SCFD1: variants seen among roughly 807,000 people sequenced by gnomAD.
SCFD1 encodes sec1 family domain containing 1, also known as sec1 family domain-containing protein 1.
A neutral mutation model predicts 103.2 loss-of-function variants in SCFD1; 37 were observed. The observed-to-expected ratio is 0.36, with a 90% CI of 0.28 to 0.47. The LOEUF (loss-of-function observed/expected upper bound fraction) is 0.47. Among genes scored for constraint, SCFD1 ranks in the 20% least tolerant of loss-of-function variants. The probability of loss-of-function intolerance (pLI) is 1.00; values close to 1 mark genes in which losing one functional copy is unlikely to be tolerated. For missense variants in SCFD1, 639 were observed against 761.2 expected (o/e 0.84, Z 1.89); for synonymous variants, 264 against 245.0 (o/e 1.08, Z -0.73).
intron 10 of SCFD1, among the ~76,000 whole-genome samples, chr14:30,665,265 A>G (rs981349798): frequency 2.0e-5 from 3 of 152,226 alleles, no homozygotes; most frequent in Non-Finnish European, 4.4e-5. Flanking sequence ...AGAATTTTCA[A>G]CTCAGAATTT....
At chr14:30,622,282 A>G, upstream of SCFD1, 3 of 1,589,994 alleles carry the variant, frequency 1.9e-6, no homozygotes, top group Non-Finnish European at 2.6e-6. Flanking sequence ...CGGTAAGGGC[A>G]GCCACGTCAT....
chr14:30,650,275 TGC>T lies in SCFD1; in HGVS notation c.670-288_670-287del, dbSNP rs201706010. Among the ~76,000 whole-genome samples the T allele has an allele frequency of 7.3e-4, 108 of 148,444 alleles. 1 individual carries two copies. In the East Asian group the frequency reaches 0.021, roughly 28 times the overall value. On this transcript the variant is annotated intron_variant, in intron 8 of 24. Transcript: ENST00000458591. ...AACAGTCATGCTTAGGAAAAGAGTG[TGC>T]GTCATTACTGCAAATCGTTTCCCAT...
At position 30,673,310 on chromosome 14, in the gene SCFD1, C is replaced by T; in HGVS notation, c.1049C>T (p.Ala350Val). 6.3e-7 allele frequency: 1 copy of T among 1,597,718 alleles called. No homozygotes were observed. ...SVQQELESYR[A>V]QEDEVKRLKS... ...CAGCAAGAACTAGAATCTTACAGAG[C>T]ACAGGAAGATGAGGTCAAACGACTT... Residue 350 changes from alanine to valine, a missense_variant, in exon 12 of 25, where the codon GCA becomes GTA. Coordinates refer to ENST00000458591, the MANE Select transcript of SCFD1 (RefSeq NM_016106.4).
Position 30,673,345 on chromosome 14 carries a change from A to G in SCFD1, c.1084A>G (p.Met362Val). 2 of 1,490,444 alleles carry G rather than the reference A, an allele frequency of 1.3e-6. No homozygotes were observed. Among genetic ancestry groups the G allele is most frequent in the South Asian group, 1.2e-5 (1 of 85,104 alleles). 92.3% of individuals were successfully genotyped at this position (1,490,444 alleles called of 1,614,324 possible). A position where few individuals can be genotyped will look rare whatever the true frequency, so the allele number is the denominator to read the frequency against. The change falls in exon 12 of 25, where the codon ATG becomes GTG. Residue 362 changes from methionine to valine, a missense_variant and splice_region_variant. Physicochemically the swap from Met to Val is conservative, Grantham distance 21. Transcript: ENST00000458591. ...EDEVKRLKSI[M>V]GLEGEDEGAI... ...TGAGGTCAAACGACTTAAAAGCATT[A>G]TGGTAAGATTCTATTTGCTTTCTAA...
chr14:30,701,139 G>T (rs906652057), intron 16 of SCFD1, among the ~76,000 whole-genome samples: 12 of 152,164 alleles, frequency 7.9e-5, no homozygotes, highest in African/African-American at 2.9e-4. Context: ...TGTTGTTGCT[G>T]TTGTTAGTAT....
chr14:30,718,878 C>T (rs1892462796), intron 20 of SCFD1, among the ~76,000 whole-genome samples: 1 of 152,108 alleles, frequency 6.6e-6, no homozygotes, highest in African/African-American at 2.4e-5. Flanking sequence ...GGGTACAGGA[C>T]TAAATAGTAG....
At chr14:30,713,431 G>A (rs1892038091) in intron 19 of SCFD1, among the ~76,000 whole-genome samples, 1 of 151,426 alleles carries the variant, frequency 6.6e-6, no homozygotes, top group Non-Finnish European at 1.5e-5. Flanking sequence ...GTTGTCTCTG[G>A]GCTCTTTAAT....
intron 23 of SCFD1, among the ~76,000 whole-genome samples, chr14:30,731,027 A>T (rs1162993649): frequency 6.6e-6 from 1 of 152,134 alleles, no homozygotes; most frequent in Non-Finnish European, 1.5e-5. Context: ...TAATTTTTGT[A>T]TAGGGTGTAA....
At chr14:30,717,348 A>G (rs371781506) in intron 20 of SCFD1, among the ~76,000 whole-genome samples, 2 of 152,034 alleles carry the variant, frequency 1.3e-5, no homozygotes, top group Non-Finnish European at 2.9e-5. Flanking sequence ...GTGGTGATAC[A>G]CACCTGTAGT....
At chr14:30,724,245 GTTTTTTTTT>G (rs58612669) in intron 23 of SCFD1, among the ~76,000 whole-genome samples, 3 of 69,682 alleles carry the variant, frequency 4.3e-5, no homozygotes, top group Non-Finnish European at 7.5e-5. Flanking sequence ...TTTTTTATGG[GTTTTTTTTT>G]TTTTTTTTTT....
intron 16 of SCFD1, among the ~76,000 whole-genome samples, chr14:30,701,270 T>C (rs377721156): frequency 5.1e-4 from 77 of 152,352 alleles, no homozygotes; most frequent in African/African-American, 1.7e-3. Context: ...GCTTTACTTC[T>C]AATTTTTTAA....
At chr14:30,683,602 G>A in intron 14 of SCFD1, 1 of 273,304 alleles carries the variant, frequency 3.7e-6, no homozygotes, top group South Asian at 3.6e-5. Flanking sequence ...AGGCCATCCA[G>A]GCGGTGCTGG....
intron 19 of SCFD1, among the ~76,000 whole-genome samples, chr14:30,710,019 C>T (rs1039453081): frequency 6.6e-6 from 1 of 151,972 alleles, no homozygotes; most frequent in Non-Finnish European, 1.5e-5. Flanking sequence ...TTAGAATAAT[C>T]ATGGTTTGTT....
intron 12 of SCFD1, 55 bp downstream of exon 12, chr14:30,673,402 G>A: frequency 1.1e-6 from 1 of 932,620 alleles, no homozygotes; most frequent in Non-Finnish European, 1.6e-6. Flanking sequence ...TTATCTGTTA[G>A]ATAAAGAGAT....
intron 14 of SCFD1, among the ~76,000 whole-genome samples, chr14:30,677,739 A>G (rs1469852432): frequency 7.2e-6 from 1 of 138,200 alleles, no homozygotes; most frequent in African/African-American, 2.7e-5. Context: ...TTAAAGAAAT[A>G]TTTTGCTCCG....
chr14:30,732,846 TATCAAAACATTTG>T (rs1026931546), intron 23 of SCFD1, among the ~76,000 whole-genome samples: 35 of 152,358 alleles, frequency 2.3e-4, no homozygotes, highest in African/African-American at 7.9e-4. Flanking sequence ...TGACTGATTT[TATCAAAACATTTG>T]ATAATACTAA....
At chr14:30,663,516 C>A (rs1406594516) in intron 10 of SCFD1, among the ~76,000 whole-genome samples, 1 of 152,154 alleles carries the variant, frequency 6.6e-6, no homozygotes, top group African/African-American at 2.4e-5. Flanking sequence ...TAAGTAAAGT[C>A]ACTTTCTTGC....
chr14:30,729,233 C>G (rs570030391), intron 23 of SCFD1, among the ~76,000 whole-genome samples: 107 of 152,098 alleles, frequency 7.0e-4, no homozygotes, highest in African/African-American at 2.0e-3. Flanking sequence ...TTTTAAAGTG[C>G]AAAAGTTTAT....
At chr14:30,642,986 A>G (rs1885435821) in intron 6 of SCFD1, among the ~76,000 whole-genome samples, 1 of 152,072 alleles carries the variant, frequency 6.6e-6, no homozygotes. Flanking sequence ...AGCCTGGGCA[A>G]CATAGGGAGA....
Sources: allele counts gnomAD v4.1 joint callset (sites outside exome capture counted in the v4.1 genomes callset), GRCh38; gene constraint gnomAD v4.1.1; transcripts MANE v1.5; gene names NCBI Gene and HGNC (gene_info 2026-07-23, HGNC 2026-07-21).